The following MAGI1 variants were observed in gnomAD, a reference collection of about 807,000 sequenced individuals.
The protein encoded by MAGI1 is membrane-associated guanylate kinase, WW and PDZ domain-containing protein 1.
MAGI1 carries 58 observed loss-of-function variants against 139.9 expected under a neutral mutation model. That is an observed-to-expected ratio of 0.41 (90% confidence interval 0.34 to 0.52). The LOEUF (loss-of-function observed/expected upper bound fraction) is 0.52. MAGI1 is among the 20% of genes least tolerant of loss of function. MAGI1 has a pLI of 0.12. For missense variants in MAGI1, 1,874 were observed against 1,901.6 expected (o/e 0.99, Z 0.27); for synonymous variants, 812 against 737.9 (o/e 1.10, Z -1.63).
chr3:65,593,787 A>G (rs1019360674), intron 2 of MAGI1, among the ~76,000 whole-genome samples: 3 of 152,232 alleles, frequency 2.0e-5, no homozygotes, highest in African/African-American at 7.2e-5. Context: ...AAACATATTG[A>G]TATCTCATTA....
Position 65,356,595 on chromosome 3 carries a change from G to C in MAGI1, c.4172C>G (p.Ser1391Trp). The stretch of plus-strand genomic sequence containing the variant: ...GGTGGACTTGGCCCTGCGCTCGGGC[G>C]AGCCCCCTCTCCTGCGCTCGGGGGA... ...RRSPERRRGG[S>W]PERRAKSTDR... Residue 1391 changes from serine (S) to tryptophan (W), a missense_variant, in exon 23 of 23, where the codon TCG (serine) becomes TGG (tryptophan). Physicochemically the swap from Ser to Trp is radical, Grantham distance 177. Transcript: ENST00000402939. 1 of 1,597,060 alleles carries C rather than the reference G, an allele frequency of 6.3e-7. No individual in the cohort carries two copies. Among genetic ancestry groups the C allele is most frequent in the Non-Finnish European group, 8.5e-7 (1 of 1,172,230 alleles).
chr3:65,584,797 A>G (rs1414024663), intron 2 of MAGI1, among the ~76,000 whole-genome samples: 1 of 152,234 alleles, frequency 6.6e-6, no homozygotes, highest in Non-Finnish European at 1.5e-5. Flanking sequence ...TGCCAAGTCA[A>G]GTATAACAGT....
At chr3:65,931,966 T>C (rs1194320569) in intron 1 of MAGI1, among the ~76,000 whole-genome samples, 2 of 152,172 alleles carry the variant, frequency 1.3e-5, no homozygotes, top group African/African-American at 4.8e-5. Context: ...TTAAATACTT[T>C]CCTGAAACTT....
At chr3:65,985,790 C>T (rs948097995) in intron 1 of MAGI1, among the ~76,000 whole-genome samples, 3 of 152,172 alleles carry the variant, frequency 2.0e-5, no homozygotes, top group Non-Finnish European at 2.9e-5. Context: ...GTTTGGCTCA[C>T]ATTTTTTGCA....
At chr3:65,731,895 A>G (rs1012223487) in intron 1 of MAGI1, among the ~76,000 whole-genome samples, 6 of 152,176 alleles carry the variant, frequency 3.9e-5, no homozygotes, top group African/African-American at 1.4e-4. Context: ...AAGCACAGGA[A>G]AGAATGAGGG....
chr3:65,662,038 T>C (rs552183668), intron 1 of MAGI1, among the ~76,000 whole-genome samples: 28 of 152,128 alleles, frequency 1.8e-4, no homozygotes, highest in Non-Finnish European at 4.0e-4. Flanking sequence ...TGAGCCACCA[T>C]GCCCAGCCTC....
At chr3:65,509,098 C>T (rs796548131) in intron 2 of MAGI1, among the ~76,000 whole-genome samples, 13 of 152,288 alleles carry the variant, frequency 8.5e-5, no homozygotes, top group African/African-American at 2.9e-4. Flanking sequence ...CTGGGAAACC[C>T]ACATTTTTGC....
intron 1 of MAGI1, among the ~76,000 whole-genome samples, chr3:65,859,469 C>T (rs2059476581): frequency 6.6e-6 from 1 of 152,060 alleles, no homozygotes; most frequent in Admixed American, 6.5e-5. Context: ...TGGCTCATGC[C>T]TGTAATCCCA....
chr3:65,964,101 G>A (rs1304959638), intron 1 of MAGI1, among the ~76,000 whole-genome samples: 1 of 152,158 alleles, frequency 6.6e-6, no homozygotes. Context: ...CCATCCTGAA[G>A]ACTGAGAAAC....
In MAGI1 at chr3:65,554,031, A is replaced by C. The variant is rs186433069; in HGVS notation, c.431-60400T>G. On this transcript the variant is annotated intron_variant, in intron 2 of 22. Coordinates refer to ENST00000402939, the MANE Select transcript of MAGI1 (RefSeq NM_001033057.2). ...GAGCTTTTTTAGATTTTTTTCTCCT[A>C]ATCAACCCCTGCTTTCCAGTGAAAT... 2.9e-3 allele frequency among the ~76,000 whole-genome samples: 442 copies of C among 152,248 alleles called. 1 individual carries two copies. Among genetic ancestry groups the C allele is most frequent in the South Asian group, 8.1e-3 (39 of 4,810 alleles).
At chr3:65,838,569 T>G (rs1575660138) in intron 1 of MAGI1, among the ~76,000 whole-genome samples, 1 of 152,350 alleles carries the variant, frequency 6.6e-6, no homozygotes, top group East Asian at 1.9e-4. Flanking sequence ...ATCAATAGTT[T>G]GTTCCTCTTT....
chr3:66,006,306 G>T (rs754534214), intron 1 of MAGI1, among the ~76,000 whole-genome samples: 9 of 152,060 alleles, frequency 5.9e-5, no homozygotes, highest in Non-Finnish European at 1.3e-4. Context: ...TATTGGATAC[G>T]ACAAAAAATG....
chr3:65,691,647 C>T (rs2088662336), intron 1 of MAGI1, among the ~76,000 whole-genome samples: 1 of 152,158 alleles, frequency 6.6e-6, no homozygotes, highest in Non-Finnish European at 1.5e-5. Context: ...TAGTCTACTG[C>T]TGTATTGAGA....
intron 1 of MAGI1, among the ~76,000 whole-genome samples, chr3:65,723,252 GT>G (rs1464863901): frequency 6.6e-6 from 1 of 152,176 alleles, no homozygotes; most frequent in Non-Finnish European, 1.5e-5. Context: ...CGGAGGAAGT[GT>G]GTGTGTTTAT....
At chr3:65,553,767 T>C (rs1393449238) in intron 2 of MAGI1, among the ~76,000 whole-genome samples, 1 of 152,214 alleles carries the variant, frequency 6.6e-6, no homozygotes, top group East Asian at 1.9e-4. Flanking sequence ...CAATGAACTA[T>C]GTTTAGACCT....
intron 2 of MAGI1, among the ~76,000 whole-genome samples, chr3:65,607,497 T>C (rs2082807660): frequency 6.6e-6 from 1 of 152,124 alleles, no homozygotes; most frequent in Non-Finnish European, 1.5e-5. Flanking sequence ...CCAAGCACTG[T>C]TCTAGGCCTC....
intron 1 of MAGI1, among the ~76,000 whole-genome samples, chr3:65,658,179 G>A (rs1336351669): frequency 6.6e-6 from 1 of 152,116 alleles, no homozygotes; most frequent in East Asian, 1.9e-4. Context: ...GTAGAATGAG[G>A]TGATGATTAT....
chr3:65,475,775 A>C (rs1478406068), intron 4 of MAGI1, among the ~76,000 whole-genome samples: 1 of 151,848 alleles, frequency 6.6e-6, no homozygotes, highest in African/African-American at 2.4e-5. Flanking sequence ...ATGACTGCAG[A>C]AAGGAGGGGT....
chr3:65,760,983 T>C (rs2036978380), intron 1 of MAGI1, among the ~76,000 whole-genome samples: 1 of 152,176 alleles, frequency 6.6e-6, no homozygotes, highest in African/African-American at 2.4e-5. Context: ...TTGTTTGCCA[T>C]TTTAAACATA....
Sources: gnomAD v4.1 joint callset for allele counts (sites outside exome capture counted in the v4.1 genomes callset) on GRCh38, gnomAD v4.1.1 for gene constraint, MANE v1.5 for transcripts, NCBI Gene and HGNC (gene_info 2026-07-23, HGNC 2026-07-21) for gene names.